AFF1: variants seen among roughly 807,000 people sequenced by gnomAD.
AFF1 encodes AF4/FMR2 family member 1.
AFF1 carries 48 observed loss-of-function variants against 121.7 expected under a neutral mutation model. The observed-to-expected ratio is 0.39, with a 90% CI of 0.31 to 0.50. The LOEUF (loss-of-function observed/expected upper bound fraction) is 0.50. Ranked by LOEUF, AFF1 falls within the 20% of genes least tolerant of loss-of-function variation. AFF1 has a pLI of 0.76. For synonymous variants in AFF1, 613 were observed against 563.0 expected (o/e 1.09, Z -1.26); for missense variants, 1,523 against 1,511.7 (o/e 1.01, Z -0.12).
At position 87,114,582 on chromosome 4, in the gene AFF1, A is replaced by AG; in HGVS notation, c.1750dup (p.Ala584GlyfsTer92). 1 of 1,412,568 alleles carries AG rather than the reference A, an allele frequency of 7.1e-7. No homozygotes were observed. The highest frequency in any genetic ancestry group is 1.1e-5 in the South Asian group (1 of 87,892). 87.5% of individuals were successfully genotyped at this position (1,412,568 alleles called of 1,614,324 possible). A position where few individuals can be genotyped will look rare whatever the true frequency, so the allele number is the denominator to read the frequency against. On this transcript the variant is annotated frameshift_variant, in exon 12 of 21. Transcript: ENST00000395146. LOFTEE classifies it high-confidence loss of function. ...GCAAAGCCCCCCGGGCCCCACCCGA[A>AG]GCCCCCCACCCCGGAAAGAGGAGCT...
intron 2 of AFF1, among the ~76,000 whole-genome samples, chr4:87,043,413 A>C (rs1366476896): frequency 6.6e-6 from 1 of 152,190 alleles, no homozygotes; most frequent in African/African-American, 2.4e-5. Flanking sequence ...TCCCTGCAAA[A>C]ACTGGCTCAA....
At chr4:87,040,880 T>G (rs1241275813) in intron 2 of AFF1, among the ~76,000 whole-genome samples, 1 of 136,886 alleles carries the variant, frequency 7.3e-6, no homozygotes, top group Non-Finnish European at 1.6e-5. Context: ...GCTTTTTTTT[T>G]TTTTTTTTTT....
rs1729462666 is a variant in AFF1, at chr4:87,138,375, G to A, written c.*2674G>A. ...TGAAAGGGCTAGATTATAAAATTAA[G>A]CCTTAGAGTATGGAAAGTTCTTATA... On this transcript the variant is annotated 3_prime_UTR_variant, in exon 21 of 21. Transcript: ENST00000395146. 4.3e-6 allele frequency: 1 copy of A among 231,888 alleles called. No individual in the cohort carries two copies. The highest frequency in any genetic ancestry group is 6.1e-5 in the East Asian group (1 of 16,388). 14.4% of individuals were successfully genotyped at this position (231,888 alleles called of 1,614,324 possible). A position where few individuals can be genotyped will look rare whatever the true frequency, so the allele number is the denominator to read the frequency against.
intron 8 of AFF1, among the ~76,000 whole-genome samples, chr4:87,105,007 T>C (rs1342233130): frequency 6.6e-6 from 1 of 152,244 alleles, no homozygotes; most frequent in Non-Finnish European, 1.5e-5. Context: ...AAGCTCACTA[T>C]TAATAATGTC....
At chr4:87,053,765 T>TA (rs1731490786) in intron 4 of AFF1, among the ~76,000 whole-genome samples, 1 of 152,258 alleles carries the variant, frequency 6.6e-6, no homozygotes, top group South Asian at 2.1e-4. Context: ...TTAACTGTCC[T>TA]ATTAGAAACT....
intron 4 of AFF1, among the ~76,000 whole-genome samples, chr4:87,060,846 AAAAAAAAAAAAAAAAAAAAAACAC>A (rs1720692128): frequency 5.2e-5 from 1 of 19,160 alleles, no homozygotes; most frequent in African/African-American, 4.0e-4. Flanking sequence ...AAAAAAAAAA[AAAAAAAAAAAAAAAAAAAAAACAC>A]AAAAAAACAA....
intron 2 of AFF1, among the ~76,000 whole-genome samples, chr4:87,000,898 G>A (rs1725658984): frequency 6.6e-6 from 1 of 152,138 alleles, no homozygotes; most frequent in South Asian, 2.1e-4. Context: ...TTGAAAAACT[G>A]TAAATCTTTA....
intron 4 of AFF1, among the ~76,000 whole-genome samples, chr4:87,061,243 G>T (rs990176118): frequency 1.3e-5 from 2 of 152,192 alleles, no homozygotes; most frequent in African/African-American, 4.8e-5. Flanking sequence ...TTTGGCAGGA[G>T]CTTGTGCAGC....
rs1465084690 is a variant in AFF1, at chr4:87,022,592, A to ATATATATATATC, written c.39-23573_39-23572insATATATATATCT. On this transcript the variant is annotated intron_variant, in intron 2 of 20. Coordinates refer to ENST00000395146, the MANE Select transcript of AFF1 (RefSeq NM_001166693.3). ...TATATATATATATATATCTATCTAT[A>ATATATATATATC]TCTATCTGTGTGTATATATATCTGT... Among the ~76,000 whole-genome samples, 243 of 99,788 alleles carry ATATATATATATC rather than the reference A, an allele frequency of 2.4e-3. 5 individuals carry two copies. The highest frequency in any genetic ancestry group is 4.5e-3 in the African/African-American group (97 of 21,516). 65.5% of individuals were successfully genotyped at this position (99,788 alleles called of 152,430 possible). A position where few individuals can be genotyped will look rare whatever the true frequency, so the allele number is the denominator to read the frequency against.
intron 2 of AFF1, among the ~76,000 whole-genome samples, chr4:86,969,766 G>C (rs1392033849): frequency 6.6e-6 from 1 of 151,156 alleles, no homozygotes; most frequent in African/African-American, 2.4e-5. Context: ...TATAGTCCCA[G>C]CTACTCGGGA....
intron 2 of AFF1, among the ~76,000 whole-genome samples, chr4:86,985,207 ATATAT>A (rs1724137170): frequency 7.4e-6 from 1 of 135,736 alleles, no homozygotes; most frequent in Non-Finnish European, 1.6e-5. Context: ...ATATATATAT[ATATAT>A]ATAAAATTAT....
chr4:86,963,063 G>A (rs937131138), intron 2 of AFF1, among the ~76,000 whole-genome samples: 6 of 150,092 alleles, frequency 4.0e-5, no homozygotes, highest in African/African-American at 1.2e-4. Context: ...CTACTTGAGA[G>A]GCTGAGGCAC....
chr4:87,108,451 A>C, intron 11 of AFF1, 136 bp downstream of exon 11: 1 of 946,692 alleles, frequency 1.1e-6, no homozygotes, highest in Non-Finnish European at 1.5e-6. Context: ...TCCTGCTCCT[A>C]TGCTGTCTAG....
chr4:87,068,787 A>G (rs1216727376), intron 4 of AFF1, among the ~76,000 whole-genome samples: 4 of 152,194 alleles, frequency 2.6e-5, no homozygotes, highest in African/African-American at 9.7e-5. Context: ...AGAGATTCAA[A>G]GTTCTTTCCT....
chr4:87,019,480 T>C (rs577678294), intron 2 of AFF1, among the ~76,000 whole-genome samples: 1 of 152,366 alleles, frequency 6.6e-6, no homozygotes, highest in Admixed American at 6.5e-5. Flanking sequence ...AAGAAAAATC[T>C]GAACTGAAGG....
intron 2 of AFF1, among the ~76,000 whole-genome samples, chr4:87,027,937 G>A (rs886766155): frequency 2.6e-5 from 4 of 151,728 alleles, no homozygotes; most frequent in Admixed American, 1.3e-4. Context: ...TGGGATTACA[G>A]GCGTGCACCA....
intron 2 of AFF1, among the ~76,000 whole-genome samples, chr4:86,961,658 A>AAC (rs1722156262): frequency 7.8e-6 from 1 of 127,830 alleles, no homozygotes; most frequent in South Asian, 3.1e-4. Flanking sequence ...AAGATTAGTT[A>AAC]CCCAAAAAAA....
intron 4 of AFF1, among the ~76,000 whole-genome samples, chr4:87,052,572 T>A (rs2149630041): frequency 6.6e-6 from 1 of 151,810 alleles, no homozygotes; most frequent in East Asian, 1.9e-4. Context: ...ATTTGGGTAT[T>A]ATTTGTGATT....
intron 16 of AFF1, among the ~76,000 whole-genome samples, chr4:87,129,509 A>G (rs1728607305): frequency 6.6e-6 from 1 of 152,238 alleles, no homozygotes; most frequent in African/African-American, 2.4e-5. Flanking sequence ...TTAACTTTGG[A>G]AATCCCATGA....
Sources: gnomAD v4.1 joint callset for allele counts (sites outside exome capture counted in the v4.1 genomes callset) on GRCh38, gnomAD v4.1.1 for gene constraint, MANE v1.5 for transcripts, NCBI Gene and HGNC (gene_info 2026-07-23, HGNC 2026-07-21) for gene names.